The following ROBO1 variants were observed in gnomAD, a reference collection of about 807,000 sequenced individuals.
ROBO1 encodes the protein roundabout homolog 1.
A neutral mutation model predicts 195.9 loss-of-function variants in ROBO1; 149 were observed. That is an observed-to-expected ratio of 0.76 (90% CI 0.67 to 0.87). The LOEUF (loss-of-function observed/expected upper bound fraction) is 0.87, where lower values mean the gene tolerates loss of function less well. Among genes scored for constraint, ROBO1 ranks in the 40% least tolerant of loss-of-function variants. The probability of loss-of-function intolerance (pLI) is 0.00; values close to 1 mark genes in which losing one functional copy is unlikely to be tolerated. For synonymous variants in ROBO1, 816 were observed against 733.2 expected (o/e 1.11, Z -1.82); for missense variants, 1,933 against 2,068.3 (o/e 0.93, Z 1.27).
rs1167482550 is a variant in ROBO1 at position 79,412,874 on chromosome 3, ATTTTTTTTTTTTTTTTTT to A, written c.88+176932_88+176949del. Among the ~76,000 whole-genome samples, 29 of 38,350 alleles carry A rather than the reference ATTTTTTTTTTTTTTTTTT, an allele frequency of 7.6e-4. No individual in the cohort carries two copies. In the East Asian group the frequency reaches 0.012, roughly 16 times the overall value. 25.2% of individuals were successfully genotyped at this position (38,350 alleles called of 152,430 possible). On this transcript the variant is annotated intron_variant, in intron 2 of 30. Coordinates refer to ENST00000464233, the MANE Select transcript of ROBO1 (RefSeq NM_002941.4). The stretch of plus-strand genomic sequence containing the variant: ...AATGATTTTATTGCCTCATGAGCTG[ATTTTTTTTTTTTTTTTTT>A]TTTTTTTTTTTTTTTTTAGTAAATA...
At chr3:78,715,882 C>T (rs2081890684) in intron 7 of ROBO1, among the ~76,000 whole-genome samples, 1 of 152,164 alleles carries the variant, frequency 6.6e-6, no homozygotes, top group Admixed American at 6.5e-5. Flanking sequence ...TACTAACACT[C>T]TTGGCTCACC....
At chr3:79,229,529 C>T (rs2082285525) in intron 2 of ROBO1, among the ~76,000 whole-genome samples, 1 of 152,064 alleles carries the variant, frequency 6.6e-6, no homozygotes, top group African/African-American at 2.4e-5. Context: ...TCACTGTAGC[C>T]TGGAACTCCT....
chr3:79,624,383 A>G (rs1945102650), intron 1 of ROBO1, among the ~76,000 whole-genome samples: 1 of 152,188 alleles, frequency 6.6e-6, no homozygotes, highest in Non-Finnish European at 1.5e-5. Flanking sequence ...AAACACCACA[A>G]TTAAAAGACA....
In ROBO1 at chr3:78,938,671, T is replaced by G; in HGVS notation, c.429A>C (p.Gly143=). 1 of 1,613,926 alleles carries G rather than the reference T, an allele frequency of 6.2e-7. No individual in the cohort carries two copies. Among genetic ancestry groups the G allele is most frequent in the South Asian group, 1.1e-5 (1 of 91,070 alleles). The change falls in exon 4 of 31, where the codon GGA becomes GGC. Residue 143 remains glycine (G), a synonymous_variant. Transcript: ENST00000464233. ...VHGRKSRPDE[G]VYVCVARNYL... ...AATTCCTTGCTACACAGACATAGAC[T>G]CCTTCATCAGGTCTACTTTTCCGTC...
At chr3:79,434,803 G>A (rs1246123559) in intron 2 of ROBO1, among the ~76,000 whole-genome samples, 1 of 152,016 alleles carries the variant, frequency 6.6e-6, no homozygotes, top group East Asian at 1.9e-4. Context: ...GCAAAGACTT[G>A]GAACCAACCC....
chr3:78,873,655 C>T (rs1193026691), intron 4 of ROBO1, among the ~76,000 whole-genome samples: 3 of 152,082 alleles, frequency 2.0e-5, no homozygotes, highest in Non-Finnish European at 2.9e-5. Flanking sequence ...AATACTTCTT[C>T]AACAACTAAT....
At chr3:79,298,024 T>C (rs1221615528) in intron 2 of ROBO1, among the ~76,000 whole-genome samples, 1 of 152,150 alleles carries the variant, frequency 6.6e-6, no homozygotes, top group Non-Finnish European at 1.5e-5. Flanking sequence ...TTTCACTATA[T>C]GTGAAATAAT....
intron 29 of ROBO1, among the ~76,000 whole-genome samples, chr3:78,601,954 A>G (rs1423672683): frequency 2.6e-5 from 4 of 151,886 alleles, no homozygotes; most frequent in African/African-American, 9.7e-5. Context: ...ACAGGTTTCT[A>G]CTTTCAGCCT....
At chr3:78,954,535 T>C (rs2040944859) in intron 3 of ROBO1, among the ~76,000 whole-genome samples, 1 of 152,084 alleles carries the variant, frequency 6.6e-6, no homozygotes, top group South Asian at 2.1e-4. Context: ...ATTTCAGCTG[T>C]TAGAACCAAT....
chr3:79,758,894 C>T (rs894496243), intron 1 of ROBO1, among the ~76,000 whole-genome samples: 1 of 152,046 alleles, frequency 6.6e-6, no homozygotes, highest in Non-Finnish European at 1.5e-5. Context: ...GTTCATTTTC[C>T]AAAATAATTT....
At chr3:79,441,979 T>G (rs1323349915) in intron 2 of ROBO1, among the ~76,000 whole-genome samples, 1 of 152,006 alleles carries the variant, frequency 6.6e-6, no homozygotes, top group Non-Finnish European at 1.5e-5. Flanking sequence ...TTGATTTCTG[T>G]GACTAGAGAG....
chr3:79,329,364 C>G (rs746718928), intron 2 of ROBO1, among the ~76,000 whole-genome samples: 36 of 152,162 alleles, frequency 2.4e-4, no homozygotes, highest in Non-Finnish European at 4.3e-4. Flanking sequence ...TGTCAATATT[C>G]CTCTCATCGT....
At chr3:78,715,645 C>T (rs2081884114) in intron 7 of ROBO1, among the ~76,000 whole-genome samples, 1 of 152,208 alleles carries the variant, frequency 6.6e-6, no homozygotes, top group African/African-American at 2.4e-5. Flanking sequence ...AATTCTCCTG[C>T]CTCAGCCTCC....
chr3:79,639,798 C>G (rs948322278), intron 1 of ROBO1, among the ~76,000 whole-genome samples: 3 of 152,098 alleles, frequency 2.0e-5, no homozygotes, highest in Non-Finnish European at 4.4e-5. Flanking sequence ...CTAGCTAGTA[C>G]TTCTCATATT....
chr3:78,720,704 T>G (rs1409060142), intron 5 of ROBO1, among the ~76,000 whole-genome samples: 1 of 152,150 alleles, frequency 6.6e-6, no homozygotes, highest in Non-Finnish European at 1.5e-5. Flanking sequence ...CAAATGTCCA[T>G]CAATGATAGA....
chr3:79,587,101 T>C (rs1206461674), intron 2 of ROBO1, among the ~76,000 whole-genome samples: 1 of 151,840 alleles, frequency 6.6e-6, no homozygotes, highest in Non-Finnish European at 1.5e-5. Flanking sequence ...ACAATAAGAG[T>C]ATTCCTTGAT....
rs543578774 is a variant in ROBO1 at position 78,618,992 on chromosome 3, G to A, written c.3876-951C>T. On this transcript the variant is annotated intron_variant, in intron 26 of 30. Coordinates refer to ENST00000464233, the MANE Select transcript of ROBO1 (RefSeq NM_002941.4). ...TAGGAAGCAAGATTCGTGGAAGGAAGTCATCCCCATGGGAGGAGAATGCTA... is the reference window on the plus strand; with the variant it reads ...TAGGAAGCAAGATTCGTGGAAGGAAATCATCCCCATGGGAGGAGAATGCTA... Among the ~76,000 whole-genome samples the A allele has an allele frequency of 5.3e-5, 8 of 152,272 alleles. No homozygotes were observed. The Middle Eastern group carries it at 0.014, about 259-fold the overall frequency.
chr3:79,384,266 T>A (rs1342172682), intron 2 of ROBO1, among the ~76,000 whole-genome samples: 1 of 152,048 alleles, frequency 6.6e-6, no homozygotes, highest in Non-Finnish European at 1.5e-5. Context: ...TTTGTCACAC[T>A]GCATCTACTA....
At chr3:79,260,490 C>A (rs916186228) in intron 2 of ROBO1, among the ~76,000 whole-genome samples, 1 of 152,096 alleles carries the variant, frequency 6.6e-6, no homozygotes, top group Admixed American at 6.6e-5. Context: ...CCTCAGAATT[C>A]AAATGTTCCT....
Sources: allele counts gnomAD v4.1 joint callset (sites outside exome capture counted in the v4.1 genomes callset), GRCh38; gene constraint gnomAD v4.1.1; transcripts MANE v1.5; gene names NCBI Gene and HGNC (gene_info 2026-07-23, HGNC 2026-07-21).